SLC35E4: variants seen among roughly 807,000 people sequenced by gnomAD.
SLC35E4 encodes solute carrier family 35 member E4.
SLC35E4 carries 15 observed loss-of-function variants against 19.3 expected under a neutral mutation model. The observed-to-expected ratio is 0.78, with a 90% CI of 0.52 to 1.20. The LOEUF is 1.20. Among genes scored for constraint, SLC35E4 ranks in the 50% most tolerant of loss-of-function variants. The pLI is 0.00. For synonymous variants in SLC35E4, 219 were observed against 219.9 expected, an observed-to-expected ratio of 1.00 and a Z score of 0.04; for missense variants, 406 against 472.3, an observed-to-expected ratio of 0.86 and a Z score of 1.30.
At position 30,636,230 on chromosome 22, in the gene SLC35E4, C is replaced by A. The variant is rs573674021; in HGVS notation, c.-221C>A. The A allele has an allele frequency of 5.9e-5, 35 of 590,042 alleles. No homozygotes were observed. The highest frequency in any genetic ancestry group is 9.3e-4 in the Middle Eastern group (2 of 2,160). 36.6% of individuals were successfully genotyped at this position (590,042 alleles called of 1,614,324 possible). A position where few individuals can be genotyped will look rare whatever the true frequency, so the allele number is the denominator to read the frequency against. On this transcript the variant is annotated 5_prime_UTR_variant, in exon 1 of 2. Transcript: ENST00000343605. ...AGCATCGGAGACCCTGGCATCCTAG[C>A]AGCCGCGACCTTGGCTCTGCCCTGT...
chr22:30,669,004 CA>C (rs900327936), exon 3 of SLC35E4: 20 of 151,850 alleles, frequency 1.3e-4, no homozygotes, highest in Admixed American at 2.6e-4. Context: ...TTTAAAAAAA[CA>C]AAAAACTCTC....
intron 2 of SLC35E4, among the ~76,000 whole-genome samples, chr22:30,659,123 CAAAAAAAAAA>C (rs35939188): frequency 1.9e-5 from 2 of 104,748 alleles, no homozygotes; most frequent in Admixed American, 1.0e-4. Context: ...GACTCCATCT[CAAAAAAAAAA>C]AAAAAAAAAA....
At chr22:30,651,395 GTGTGTATATATATATA>G (rs1267875099), downstream of SLC35E4, among the ~76,000 whole-genome samples, 2 of 54,042 alleles carry the variant, frequency 3.7e-5, no homozygotes, top group East Asian at 1.1e-3. Flanking sequence ...GTGTGTGTGT[GTGTGTATATATATATA>G]TATATATATA....
At chr22:30,643,256 C>T (rs1166551812) in intron 1 of SLC35E4, among the ~76,000 whole-genome samples, 1 of 152,202 alleles carries the variant, frequency 6.6e-6, no homozygotes, top group Non-Finnish European at 1.5e-5. Context: ...AGCAGGCGGA[C>T]TCAACCCCTC....
At chr22:30,638,836 T>C (rs1312721200) in intron 1 of SLC35E4, among the ~76,000 whole-genome samples, 1 of 150,132 alleles carries the variant, frequency 6.7e-6, no homozygotes, top group Non-Finnish European at 1.5e-5. Flanking sequence ...CCAGGTGGCA[T>C]GCACCTGTAA....
chr22:30,665,642 T>C (rs368479822), downstream of SLC35E4: 4 of 437,304 alleles, frequency 9.1e-6, no homozygotes, highest in South Asian at 6.7e-5. Context: ...CTTAGCCCTA[T>C]GTTCTCTCCT....
chr22:30,649,989 A>G (rs887695932), downstream of SLC35E4, among the ~76,000 whole-genome samples: 1 of 149,416 alleles, frequency 6.7e-6, no homozygotes, highest in Non-Finnish European at 1.5e-5. Context: ...AGCCATGCCT[A>G]TCACCCCTCC....
downstream of SLC35E4, among the ~76,000 whole-genome samples, chr22:30,648,121 C>G (rs532886555): frequency 4.4e-4 from 67 of 152,296 alleles, no homozygotes; most frequent in African/African-American, 1.6e-3. Context: ...CTCCATCTTA[C>G]ACACAGACCC....
exon 3 of SLC35E4, chr22:30,668,329 T>C (rs914364904): frequency 6.6e-6 from 1 of 152,244 alleles, no homozygotes; most frequent in African/African-American, 2.4e-5. Context: ...CCCAGAGCCT[T>C]CGTTAGACTC....
At chr22:30,642,304 G>A (rs1351173361) in intron 1 of SLC35E4, among the ~76,000 whole-genome samples, 1 of 151,754 alleles carries the variant, frequency 6.6e-6, no homozygotes, top group Non-Finnish European at 1.5e-5. Context: ...ACCACACCCA[G>A]CCTGAGATAG....
chr22:30,641,383 T>C (rs8139950), intron 1 of SLC35E4, among the ~76,000 whole-genome samples: 97,273 of 152,044 alleles, frequency 0.64, 32,283 homozygotes, highest in African/African-American at 0.83. Context: ...TCCTGCGGTA[T>C]CCTCTGCTCC....
Position 30,647,094 on chromosome 22 carries a change from C to T in SLC35E4, c.*63C>T. Reference sequence around the variant, plus strand: ...GGCCTGAATCCAGCCTCCGCTGTGGCCATAGAAGGAATGGAGAACAGGGCT... The same window carrying T: ...GGCCTGAATCCAGCCTCCGCTGTGGTCATAGAAGGAATGGAGAACAGGGCT... On this transcript the variant is annotated 3_prime_UTR_variant, in exon 2 of 2. Coordinates refer to ENST00000343605, the MANE Select transcript of SLC35E4 (RefSeq NM_001001479.4). 1 of 1,502,990 alleles carries T rather than the reference C, an allele frequency of 6.7e-7. No homozygotes were observed. The highest frequency in any genetic ancestry group is 8.9e-7 in the Non-Finnish European group (1 of 1,127,678). 93.1% of individuals were successfully genotyped at this position (1,502,990 alleles called of 1,614,324 possible). A position where few individuals can be genotyped will look rare whatever the true frequency, so the allele number is the denominator to read the frequency against.
chr22:30,640,708 T>C (rs1329616637), intron 1 of SLC35E4, among the ~76,000 whole-genome samples: 1 of 152,222 alleles, frequency 6.6e-6, no homozygotes, highest in African/African-American at 2.4e-5. Flanking sequence ...CCTTTGCTCA[T>C]ATTTGCTGGG....
chr22:30,658,298 G>T lies in SLC35E4; in HGVS notation c.*9-3762G>T, dbSNP rs1319546336. Among the ~76,000 whole-genome samples the T allele has an allele frequency of 9.2e-5, 14 of 151,718 alleles. 1 individual carries two copies. In the South Asian group the frequency reaches 2.1e-3, roughly 23 times the overall value. Reference sequence around the variant, plus strand: ...TCATGCCTATAATCCCAGAACTTTGGGAGGCTGAGGCAGGAGGATCACTTG... The same window carrying T: ...TCATGCCTATAATCCCAGAACTTTGTGAGGCTGAGGCAGGAGGATCACTTG... On this transcript the variant is annotated intron_variant, in intron 2 of 2. Coordinates refer to the SLC35E4 transcript ENST00000406566.
Position 30,647,273 on chromosome 22 carries a change from C to T in SLC35E4, c.*242C>T, listed in dbSNP as rs113072258. 0.01 allele frequency: 5,353 copies of T among 532,254 alleles called. 232 individuals carry two copies. The highest frequency in any genetic ancestry group is 0.091 in the African/African-American group (4,785 of 52,494). The allele number at this position is 532,254 out of a possible 1,614,324, so 33.0% of individuals were successfully genotyped here. On this transcript the variant is annotated 3_prime_UTR_variant, in exon 2 of 2. Coordinates refer to ENST00000343605, the MANE Select transcript of SLC35E4 (RefSeq NM_001001479.4). ...ATTAGCTGGGCATGGTGGCGCGTGC[C>T]TATAGTCCCAGCTACATGGGAGGCT...
chr22:30,637,157 C>T lies in SLC35E4; in HGVS notation c.619+88C>T, dbSNP rs891901472. The stretch of plus-strand genomic sequence containing the variant: ...CCTGTGAGGGGTATGGCTGTTGTCC[C>T]ATTTTACAAATGAGGAAACTGAGGT... On this transcript the variant is annotated intron_variant, in intron 1 of 1. Coordinates refer to ENST00000343605, the MANE Select transcript of SLC35E4 (RefSeq NM_001001479.4). The T allele has an allele frequency of 3.4e-6, 5 of 1,486,266 alleles. No homozygotes were observed. The South Asian group carries it at 4.1e-5, about 12-fold the overall frequency. 92.1% of individuals were successfully genotyped at this position (1,486,266 alleles called of 1,614,324 possible). A position where few individuals can be genotyped will look rare whatever the true frequency, so the allele number is the denominator to read the frequency against.
chr22:30,666,288 G>A (rs2088658239), downstream of SLC35E4, among the ~76,000 whole-genome samples: 1 of 152,160 alleles, frequency 6.6e-6, no homozygotes, highest in African/African-American at 2.4e-5. Flanking sequence ...TTGCAGGTGA[G>A]GGTAGTGATG....
At chr22:30,659,041 G>A (rs113652372) in intron 2 of SLC35E4, among the ~76,000 whole-genome samples, 3,453 of 150,938 alleles carry the variant, frequency 0.023, 126 homozygotes, top group African/African-American at 0.08. Context: ...GGAGAATGGC[G>A]TGAACCTGGG....
downstream of SLC35E4, among the ~76,000 whole-genome samples, chr22:30,648,700 A>C (rs2145584546): frequency 6.6e-6 from 1 of 152,346 alleles, no homozygotes; most frequent in South Asian, 2.1e-4. Flanking sequence ...ACTGCACTCC[A>C]GCTTGGCCAA....
Sources: allele counts gnomAD v4.1 joint callset (sites outside exome capture counted in the v4.1 genomes callset), GRCh38; gene constraint gnomAD v4.1.1; transcripts MANE v1.5; gene names NCBI Gene and HGNC (gene_info 2026-07-23, HGNC 2026-07-21).